ABCA12: variants seen among roughly 807,000 people sequenced by gnomAD.
ABCA12 encodes the protein glucosylceramide transporter ABCA12.
ABCA12 carries 156 observed loss-of-function variants against 293.5 expected under a neutral mutation model. That is an observed-to-expected ratio of 0.53 (90% CI 0.47 to 0.61). The LOEUF (loss-of-function observed/expected upper bound fraction) is 0.61, where lower values mean the gene tolerates loss of function less well. Among genes scored for constraint, ABCA12 ranks in the 20% least tolerant of loss-of-function variants. The pLI is 0.00. For synonymous variants in ABCA12, 1,063 were observed against 1,108.0 expected (o/e 0.96, Z 0.81); for missense variants, 2,797 against 3,090.2 (o/e 0.91, Z 2.25).
chr2:215,016,454 G>A lies in ABCA12; in HGVS notation c.1783-791C>T, dbSNP rs1700502094. Among the ~76,000 whole-genome samples the A allele has an allele frequency of 2.0e-5, 3 of 150,440 alleles. No homozygotes were observed. The South Asian group carries it at 6.4e-4, about 32-fold the overall frequency. ...AAAAATTAGCCGGGCGTGGTGGCGG[G>A]TGCCTGTAGTCCCAGCTACTCGGGA... On this transcript the variant is annotated intron_variant, in intron 14 of 52. Transcript: ENST00000272895.
At position 214,931,586 on chromosome 2, in the gene ABCA12, G is replaced by A. The variant is rs79190652; in HGVS notation, c.*1048C>T. ...AGTTTATTGGTTTTCGAGACAAACA[G>A]TCATGCCAAAGCTGACAAACTTGTA... On this transcript the variant is annotated 3_prime_UTR_variant, in exon 53 of 53. Transcript: ENST00000272895. The A allele has an allele frequency of 8.6e-5, 12 of 140,064 alleles. No homozygotes were observed. The highest frequency in any genetic ancestry group is 6.6e-4 in the Admixed American group (9 of 13,628). The allele number at this position is 140,064 out of a possible 1,614,324, so 8.7% of individuals were successfully genotyped here.
intron 1 of ABCA12, among the ~76,000 whole-genome samples, chr2:215,119,736 A>G (rs1396156743): frequency 1.3e-3 from 157 of 124,398 alleles, no homozygotes; most frequent in African/African-American, 7.3e-3. Context: ...TTAAAAAGTA[A>G]AAAAAAAAAA....
chr2:215,099,002 T>G (rs1702299745), intron 2 of ABCA12, among the ~76,000 whole-genome samples: 1 of 152,254 alleles, frequency 6.6e-6, no homozygotes, highest in African/African-American at 2.4e-5. Context: ...CCACAGAATC[T>G]TCGGCACTTT....
At position 215,091,845 on chromosome 2, in the gene ABCA12, C is replaced by T. The variant is rs145252969; in HGVS notation, c.163+19752G>A. Among the ~76,000 whole-genome samples the T allele has an allele frequency of 8.3e-4, 126 of 152,354 alleles. 1 individual carries two copies. The highest frequency in any genetic ancestry group is 1.5e-3 in the Non-Finnish European group (100 of 68,036). ...TGGCCAGGTGTTCCTCCAGGACGTC[C>T]TCCCCCAGGATCTTGCTTCAAGTGC... On this transcript the variant is annotated intron_variant, in intron 2 of 52. Coordinates refer to ENST00000272895, the MANE Select transcript of ABCA12 (RefSeq NM_173076.3).
At position 215,001,010 on chromosome 2, in the gene ABCA12, A is replaced by T. The variant is rs1438904116; in HGVS notation, c.2874T>A (p.Phe958Leu). The T allele has an allele frequency of 6.2e-7, 1 of 1,613,974 alleles. No homozygotes were observed. The highest frequency in any genetic ancestry group is 1.7e-5 in the Admixed American group (1 of 59,992). ...KSNELFGSVI[F>L]KLPSNRSWHR... ...GCCAGCTTCTGTTAGAAGGAAGCTT[A>T]AAAATAACACCTAAAAATAAAATGG... is the stretch of plus-strand genomic sequence containing the variant. Residue 958 changes from phenylalanine (F) to leucine (L), a missense_variant, in exon 22 of 53, where the codon TTT becomes TTA. Physicochemically the swap from Phe to Leu is conservative, Grantham distance 22 (BLOSUM62 0). Around this residue, in one of 3 missense-constraint regions of ABCA12, gnomAD observed 2,130 missense variants for 2,427.0 expected, o/e 0.88. Transcript: ENST00000272895.
At chr2:214,947,750 A>G in intron 47 of ABCA12, 194 bp from the exon 48 acceptor site, 4 of 667,752 alleles carry the variant, frequency 6.0e-6, no homozygotes, top group Non-Finnish European at 9.8e-6. Context: ...GTTTATTTAA[A>G]GAGATTCTTT....
chr2:215,041,415 G>A (rs530756045), intron 7 of ABCA12, among the ~76,000 whole-genome samples: 1 of 152,174 alleles, frequency 6.6e-6, no homozygotes, highest in South Asian at 2.1e-4. Flanking sequence ...AACCGGGCAT[G>A]GTGGCACGTG....
chr2:215,011,682 T>C lies in ABCA12; in HGVS notation c.2122-33A>G, dbSNP rs867675262. On this transcript the variant is annotated intron_variant, in intron 16 of 52. Coordinates refer to ENST00000272895, the MANE Select transcript of ABCA12 (RefSeq NM_173076.3). ...ACAAAAATCCACAATTTATTGACAC[T>C]ATATGAGCTTTAGAAGCTACTGAAA... 1.2e-5 allele frequency: 19 copies of C among 1,595,894 alleles called. No individual in the cohort carries two copies. In the African/African-American group the frequency reaches 1.8e-4, roughly 15 times the overall value.
At chr2:215,029,933 A>G (rs887514052) in intron 9 of ABCA12, among the ~76,000 whole-genome samples, 1 of 152,248 alleles carries the variant, frequency 6.6e-6, no homozygotes, top group Non-Finnish European at 1.5e-5. Flanking sequence ...ATTTTTGAGC[A>G]TCTTTCTTTA....
chr2:215,052,723 A>G (rs1701345046), intron 4 of ABCA12, 139 bp from the exon 5 acceptor site: 1 of 757,698 alleles, frequency 1.3e-6, no homozygotes, highest in Admixed American at 2.0e-5. Flanking sequence ...TCTTCCATGG[A>G]AGTTTTATAC....
At chr2:214,951,931 A>T (rs1698786989) in intron 44 of ABCA12, among the ~76,000 whole-genome samples, 1 of 152,124 alleles carries the variant, frequency 6.6e-6, no homozygotes, top group Non-Finnish European at 1.5e-5. Context: ...AATAATATGA[A>T]TACTATTGTT....
intron 2 of ABCA12, among the ~76,000 whole-genome samples, chr2:215,072,363 A>G (rs1490303887): frequency 6.6e-6 from 1 of 152,170 alleles, no homozygotes; most frequent in Non-Finnish European, 1.5e-5. Flanking sequence ...TATAGGCAAG[A>G]GGCACTGGGG....
intron 2 of ABCA12, 94 bp from the exon 3 acceptor site, chr2:215,064,313 T>C (rs1413076081): frequency 7.7e-7 from 1 of 1,306,226 alleles, no homozygotes. Flanking sequence ...GTTAACCTCC[T>C]GGATTACCAC....
intron 2 of ABCA12, among the ~76,000 whole-genome samples, chr2:215,069,872 A>T (rs1164622428): frequency 6.6e-6 from 1 of 152,242 alleles, no homozygotes; most frequent in East Asian, 1.9e-4. Context: ...GGATAAAAAA[A>T]TAAGCTATTT....
intron 23 of ABCA12, among the ~76,000 whole-genome samples, chr2:214,993,466 G>C (rs1193132348): frequency 6.6e-6 from 1 of 152,180 alleles, no homozygotes; most frequent in Non-Finnish European, 1.5e-5. Flanking sequence ...ACTGTGTCAT[G>C]TTTGGCGACT....
At chr2:215,076,933 T>C (rs573967316) in intron 2 of ABCA12, among the ~76,000 whole-genome samples, 4 of 152,248 alleles carry the variant, frequency 2.6e-5, no homozygotes, top group African/African-American at 9.6e-5. Flanking sequence ...AAAATAATAC[T>C]ATGTGATGTA....
At chr2:214,966,753 C>A (rs1029878798) in intron 39 of ABCA12, 95 bp downstream of exon 39, 3 of 1,128,364 alleles carry the variant, frequency 2.7e-6, no homozygotes, top group African/African-American at 3.1e-5. Context: ...CCATAAAATA[C>A]CTGCCACCTG....
At chr2:215,092,889 T>C (rs1016810882) in intron 2 of ABCA12, among the ~76,000 whole-genome samples, 3 of 152,180 alleles carry the variant, frequency 2.0e-5, no homozygotes, top group African/African-American at 7.2e-5. Context: ...CTCTTCGCTT[T>C]CACTTGGACT....
chr2:215,041,195 TTAAAAA>T lies in ABCA12; in HGVS notation c.873-4136_873-4131del, dbSNP rs1270911874. 1.3e-4 allele frequency among the ~76,000 whole-genome samples: 20 copies of T among 152,190 alleles called. 1 individual carries two copies. In the East Asian group the frequency reaches 3.7e-3, roughly 28 times the overall value. ...CATAAATATATACAATTTTTGTCAG[TTAAAAA>T]TAAATAAAAAGAAATACTGCTGAAT... On this transcript the variant is annotated intron_variant, in intron 7 of 52. Coordinates refer to ENST00000272895, the MANE Select transcript of ABCA12 (RefSeq NM_173076.3).
Sources: allele counts gnomAD v4.1 joint callset (sites outside exome capture counted in the v4.1 genomes callset), GRCh38; gene constraint gnomAD v4.1.1; regional missense constraint gnomAD v4.1.1; transcripts MANE v1.5; gene names NCBI Gene and HGNC (gene_info 2026-07-23, HGNC 2026-07-21).